Variants in AK5 observed in about 807,000 individuals in gnomAD.
AK5 encodes adenylate kinase 5.
Under a neutral mutation model 69.5 loss-of-function variants are expected in AK5, and 27 were observed. The observed-to-expected ratio is 0.39, with a 90% CI of 0.29 to 0.54. AK5 has a LOEUF of 0.54. Ranked by LOEUF, AK5 falls within the 20% of genes least tolerant of loss-of-function variation. The pLI, the probability that AK5 is intolerant of heterozygous loss-of-function variation, is 0.71. For synonymous variants in AK5, 260 were observed against 244.4 expected, an observed-to-expected ratio of 1.06 and a Z score of -0.60; for missense variants, 531 against 700.4, an observed-to-expected ratio of 0.76 and a Z score of 2.73.
chr1:77,545,639 C>A (rs1370661635), intron 13 of AK5, among the ~76,000 whole-genome samples: 1 of 152,174 alleles, frequency 6.6e-6, no homozygotes, highest in Non-Finnish European at 1.5e-5. Context: ...CCTGGCTCTC[C>A]ATGTTGCCCT....
chr1:77,381,824 A>T (rs184654977), intron 6 of AK5, among the ~76,000 whole-genome samples: 2 of 152,254 alleles, frequency 1.3e-5, no homozygotes, highest in Admixed American at 1.3e-4. Flanking sequence ...AGTAACTAAC[A>T]TCTTACTAGG....
intron 7 of AK5, among the ~76,000 whole-genome samples, chr1:77,413,506 A>G (rs541109285): frequency 6.6e-6 from 1 of 152,158 alleles, no homozygotes; most frequent in Non-Finnish European, 1.5e-5. Context: ...AGGCCTGTCT[A>G]CAGTGTCTCC....
chr1:77,494,565 C>T (rs1404150986), intron 10 of AK5, among the ~76,000 whole-genome samples: 3 of 152,022 alleles, frequency 2.0e-5, no homozygotes, highest in Non-Finnish European at 4.4e-5. Flanking sequence ...CAAATTTGAG[C>T]GACTAACAAG....
intron 10 of AK5, among the ~76,000 whole-genome samples, chr1:77,489,873 C>T (rs1324099853): frequency 6.6e-6 from 1 of 152,156 alleles, no homozygotes; most frequent in Non-Finnish European, 1.5e-5. Flanking sequence ...ACACCTGCAT[C>T]CTTATTATCG....
intron 12 of AK5, among the ~76,000 whole-genome samples, chr1:77,533,274 G>A (rs1557659155): frequency 6.6e-6 from 1 of 152,096 alleles, no homozygotes; most frequent in Non-Finnish European, 1.5e-5. Context: ...CCAGTACTTT[G>A]AGAGGCTGAG....
At chr1:77,367,230 G>C (rs1290660312) in intron 6 of AK5, among the ~76,000 whole-genome samples, 3 of 151,778 alleles carry the variant, frequency 2.0e-5, no homozygotes, top group Non-Finnish European at 4.4e-5. Flanking sequence ...GTTTTTTTTG[G>C]GGGGAGGGTG....
At position 77,533,509 on chromosome 1, in the gene AK5, C is replaced by CAA. The variant is rs10526328; in HGVS notation, c.1429-2313_1429-2312dup. Among the ~76,000 whole-genome samples, 392 of 94,904 alleles carry CAA rather than the reference C, an allele frequency of 4.1e-3. 12 individuals carry two copies. Among genetic ancestry groups the CAA allele is most frequent in the Middle Eastern group, 0.01 (2 of 200 alleles). 62.3% of individuals were successfully genotyped at this position (94,904 alleles called of 152,430 possible). The stretch of plus-strand genomic sequence containing the variant: ...AGGCTGCAGAGCAAGACTCTGTCAC[C>CAA]AAAAAAAAAAAAAAAAAAAAAAAAA... On this transcript the variant is annotated intron_variant, in intron 12 of 13. Coordinates refer to ENST00000354567, the MANE Select transcript of AK5 (RefSeq NM_174858.3).
At chr1:77,525,640 C>G (rs1051822730) in intron 12 of AK5, among the ~76,000 whole-genome samples, 1 of 152,222 alleles carries the variant, frequency 6.6e-6, no homozygotes, top group Non-Finnish European at 1.5e-5. Context: ...AATCTGCCCC[C>G]ATGACCCAAA....
chr1:77,282,467 CA>C lies in AK5; in HGVS notation c.60+95del. On this transcript the variant is annotated intron_variant, in intron 1 of 13. Transcript: ENST00000354567. ...GCCGCGCCCCGTCCCACCTTCCCCA[CA>C]CGGGGCATGTAATGAAGGGGCTTGT... 4 of 1,455,422 alleles carry C rather than the reference CA, an allele frequency of 2.7e-6. No homozygotes were observed. The South Asian group carries it at 5.7e-5, about 21-fold the overall frequency. 90.2% of individuals were successfully genotyped at this position (1,455,422 alleles called of 1,614,324 possible).
At chr1:77,350,239 G>C (rs1570423083) in intron 6 of AK5, among the ~76,000 whole-genome samples, 1 of 152,336 alleles carries the variant, frequency 6.6e-6, no homozygotes. Context: ...ATAAAGGGCA[G>C]GGAGTGACTT....
intron 6 of AK5, among the ~76,000 whole-genome samples, chr1:77,359,008 C>A (rs545035571): frequency 6.6e-6 from 1 of 151,948 alleles, no homozygotes; most frequent in South Asian, 2.1e-4. Flanking sequence ...GTAATCCCAG[C>A]ACTTTGAGAG....
intron 13 of AK5, among the ~76,000 whole-genome samples, chr1:77,538,604 C>T (rs1454425830): frequency 6.6e-6 from 1 of 151,414 alleles, no homozygotes; most frequent in Non-Finnish European, 1.5e-5. Flanking sequence ...GAGCTGAAAT[C>T]ACACCACTGC....
chr1:77,438,319 A>AAG (rs1652094377), intron 8 of AK5, among the ~76,000 whole-genome samples: 5 of 61,244 alleles, frequency 8.2e-5, no homozygotes, highest in Non-Finnish European at 2.5e-4. Context: ...AAAAAAAAAA[A>AAG]AAAAACAAGC....
chr1:77,508,334 G>A (rs1439167927), intron 10 of AK5, among the ~76,000 whole-genome samples: 1 of 152,094 alleles, frequency 6.6e-6, no homozygotes, highest in Admixed American at 6.6e-5. Context: ...CCAAGCCTCA[G>A]CCCAGAGATG....
intron 8 of AK5, among the ~76,000 whole-genome samples, chr1:77,474,921 C>T (rs992486835): frequency 6.6e-6 from 1 of 152,110 alleles, no homozygotes; most frequent in Admixed American, 6.6e-5. Flanking sequence ...CCTCCCACCT[C>T]AGTCTCCTGA....
chr1:77,372,504 C>G (rs1360154317), intron 6 of AK5, among the ~76,000 whole-genome samples: 1 of 152,104 alleles, frequency 6.6e-6, no homozygotes, highest in East Asian at 1.9e-4. Context: ...GTTTAATATT[C>G]TGAAAAAGAA....
At position 77,437,063 on chromosome 1, in the gene AK5, G is replaced by A. The variant is rs540660292; in HGVS notation, c.1059+19348G>A. On this transcript the variant is annotated intron_variant, in intron 8 of 13. Transcript: ENST00000354567. ...TAAAATATATCTAACAAAGATAAAT[G>A]TAAAACTGCCTGACCAGTAAACTCA... 1.6e-4 allele frequency among the ~76,000 whole-genome samples: 25 copies of A among 152,232 alleles called. No homozygotes were observed. The Middle Eastern group carries it at 0.017, about 104-fold the overall frequency.
chr1:77,493,327 A>AGC (rs2100741072), intron 10 of AK5, among the ~76,000 whole-genome samples: 1 of 143,202 alleles, frequency 7.0e-6, no homozygotes, highest in African/African-American at 2.6e-5. Context: ...GGACACCAGC[A>AGC]GCCCCCCCCA....
chr1:77,383,244 A>G (rs189940665), intron 6 of AK5, among the ~76,000 whole-genome samples: 174 of 152,308 alleles, frequency 1.1e-3, no homozygotes, highest in African/African-American at 4.0e-3. Context: ...ACTATACTTA[A>G]CAAAAATATA....
Sources: allele counts gnomAD v4.1 joint callset (sites outside exome capture counted in the v4.1 genomes callset), GRCh38; gene constraint gnomAD v4.1.1; transcripts MANE v1.5; gene names NCBI Gene and HGNC (gene_info 2026-07-23, HGNC 2026-07-21).